Variants in UGGT2 observed in about 807,000 individuals in gnomAD.
The protein encoded by UGGT2 is UDP-glucose:glycoprotein glucosyltransferase 2.
UGGT2 carries 180 observed loss-of-function variants against 192.1 expected under a neutral mutation model. That is an observed-to-expected ratio of 0.94 (90% confidence interval 0.83 to 1.06). The LOEUF (loss-of-function observed/expected upper bound fraction) is 1.06, where lower values mean the gene tolerates loss of function less well. Among genes scored for constraint, UGGT2 ranks in the 50% least tolerant of loss-of-function variants. The pLI, the probability that UGGT2 is intolerant of heterozygous loss-of-function variation, is 0.00. For missense variants in UGGT2, 1,849 were observed against 1,795.7 expected (o/e 1.03, Z -0.54); for synonymous variants, 580 against 591.0 (o/e 0.98, Z 0.27).
chr13:96,051,645 A>G (rs938617534), intron 1 of UGGT2, among the ~76,000 whole-genome samples: 2 of 152,004 alleles, frequency 1.3e-5, no homozygotes, highest in East Asian at 1.9e-4. Context: ...AGCAGGAAAA[A>G]AAAAACAGTC....
chr13:95,959,110 C>T (rs1380659033), intron 12 of UGGT2, among the ~76,000 whole-genome samples: 1 of 152,210 alleles, frequency 6.6e-6, no homozygotes, highest in Non-Finnish European at 1.5e-5. Flanking sequence ...GCCCCCGCAT[C>T]TCCATATCTC....
chr13:95,996,891 A>G (rs1165241872), intron 6 of UGGT2, among the ~76,000 whole-genome samples: 1 of 152,200 alleles, frequency 6.6e-6, no homozygotes, highest in Non-Finnish European at 1.5e-5. Context: ...ATAATATTTT[A>G]TAGTCATTTC....
intron 2 of UGGT2, among the ~76,000 whole-genome samples, chr13:96,028,410 CATTCTT>C (rs2052729684): frequency 1.3e-5 from 2 of 152,170 alleles, no homozygotes; most frequent in South Asian, 4.1e-4. Flanking sequence ...TTGAAAATGA[CATTCTT>C]ATATGCTGAG....
chr13:95,857,061 A>C (rs1889686543), intron 33 of UGGT2, among the ~76,000 whole-genome samples: 1 of 152,056 alleles, frequency 6.6e-6, no homozygotes, highest in South Asian at 2.1e-4. Flanking sequence ...TTACCACTTG[A>C]TTCTTACTTG....
chr13:95,902,810 A>T (rs1186261612), intron 21 of UGGT2, 44 bp downstream of exon 21: 1 of 1,549,410 alleles, frequency 6.5e-7, no homozygotes, highest in Non-Finnish European at 8.8e-7. Flanking sequence ...ACACTTTTAA[A>T]ATATGCAATA....
intron 36 of UGGT2, among the ~76,000 whole-genome samples, chr13:95,848,231 T>A (rs1407846650): frequency 1.3e-5 from 2 of 152,216 alleles, no homozygotes; most frequent in Non-Finnish European, 2.9e-5. Flanking sequence ...CTTTTACAAA[T>A]ATATTTTTGC....
rs369565151 is a variant in UGGT2, at chr13:95,925,889, G to C, written c.2201-115C>G. 25 of 615,852 alleles carry C rather than the reference G, an allele frequency of 4.1e-5. No homozygotes were observed. In the East Asian group the frequency reaches 5.0e-4, roughly 12 times the overall value. The allele number at this position is 615,852 out of a possible 1,614,324, so 38.1% of individuals were successfully genotyped here. A position where few individuals can be genotyped will look rare whatever the true frequency, so the allele number is the denominator to read the frequency against. Reference sequence around the variant, plus strand: ...AAAATTAAAATAATATTTCTGAAAAGCAAAGATTTTTAAAATGTTATGTGT... The same window carrying C: ...AAAATTAAAATAATATTTCTGAAAACCAAAGATTTTTAAAATGTTATGTGT... On this transcript the variant is annotated intron_variant, in intron 19 of 38. Transcript: ENST00000376747.
At chr13:95,997,121 T>C (rs1395376720) in intron 6 of UGGT2, among the ~76,000 whole-genome samples, 1 of 152,208 alleles carries the variant, frequency 6.6e-6, no homozygotes, top group African/African-American at 2.4e-5. Context: ...TACTTTGATC[T>C]AGTCATCCTT....
At chr13:95,980,195 G>A (rs1468835574) in intron 10 of UGGT2, among the ~76,000 whole-genome samples, 1 of 152,184 alleles carries the variant, frequency 6.6e-6, no homozygotes, top group Non-Finnish European at 1.5e-5. Flanking sequence ...GCATATGCAT[G>A]TTTATAGCAG....
At chr13:95,999,082 A>G (rs1036793976) in intron 6 of UGGT2, 129 bp downstream of exon 6, 1 of 546,682 alleles carries the variant, frequency 1.8e-6, no homozygotes, top group Non-Finnish European at 3.2e-6. Context: ...TTAATGAAGA[A>G]TATGTCCACC....
intron 36 of UGGT2, among the ~76,000 whole-genome samples, chr13:95,841,450 A>T: frequency 6.6e-6 from 1 of 152,164 alleles, no homozygotes; most frequent in South Asian, 2.1e-4. Context: ...TTCGGGAGGA[A>T]CACACATGGA....
intron 38 of UGGT2, among the ~76,000 whole-genome samples, chr13:95,823,542 C>T (rs1885708781): frequency 6.6e-6 from 1 of 151,888 alleles, no homozygotes; most frequent in African/African-American, 2.4e-5. Context: ...ACTGCTGATG[C>T]CTTAAAGTCT....
intron 17 of UGGT2, among the ~76,000 whole-genome samples, chr13:95,931,929 C>A (rs897004683): frequency 6.6e-6 from 1 of 152,194 alleles, no homozygotes; most frequent in South Asian, 2.1e-4. Context: ...ATGGCCAGAG[C>A]GGACGCCGAG....
intron 10 of UGGT2, among the ~76,000 whole-genome samples, chr13:95,979,425 G>A (rs1032794807): frequency 1.3e-5 from 2 of 151,286 alleles, no homozygotes; most frequent in South Asian, 2.1e-4. Context: ...CCCTTCACCC[G>A]TTTCATCCCT....
chr13:95,902,011 T>C (rs2048117873), intron 21 of UGGT2, among the ~76,000 whole-genome samples: 1 of 152,182 alleles, frequency 6.6e-6, no homozygotes, highest in South Asian at 2.1e-4. Context: ...TTTAGCTCCC[T>C]TGAATGCTCC....
At chr13:95,918,752 A>T (rs1385903630) in intron 20 of UGGT2, among the ~76,000 whole-genome samples, 1 of 152,210 alleles carries the variant, frequency 6.6e-6, no homozygotes, top group Admixed American at 6.5e-5. Context: ...AACCAAAAAA[A>T]GCCTAGGACC....
At chr13:95,855,334 T>C (rs980533505) in intron 34 of UGGT2, among the ~76,000 whole-genome samples, 1 of 151,860 alleles carries the variant, frequency 6.6e-6, no homozygotes, top group African/African-American at 2.4e-5. Context: ...TTCTAACTTA[T>C]CCATTTACTT....
intron 5 of UGGT2, among the ~76,000 whole-genome samples, chr13:96,008,951 G>T (rs1264574416): frequency 6.6e-6 from 1 of 152,116 alleles, no homozygotes; most frequent in African/African-American, 2.4e-5. Flanking sequence ...AAAGCTGAAG[G>T]CTACAGTAAC....
Position 95,925,754 on chromosome 13 carries a change from C to T in UGGT2, c.2221G>A (p.Val741Ile). ...TQDDESIISA[V>I]TLWIIADFDK... Reference sequence around the variant, plus strand: ...AAATCTGCAATAATCCAGAGAGTGACTGCAGAAATTATACTCTCATCTGAA... The same window carrying T: ...AAATCTGCAATAATCCAGAGAGTGATTGCAGAAATTATACTCTCATCTGAA... Residue 741 changes from valine (V) to isoleucine (I), a missense_variant, in exon 20 of 39, where the codon GTC becomes ATC. Physicochemically the swap from Val to Ile is conservative, Grantham distance 29. Transcript: ENST00000376747. 1 of 1,556,954 alleles carries T rather than the reference C, an allele frequency of 6.4e-7. No individual in the cohort carries two copies. The highest frequency in any genetic ancestry group is 8.7e-7 in the Non-Finnish European group (1 of 1,148,104).
Sources: gnomAD v4.1 joint callset for allele counts (sites outside exome capture counted in the v4.1 genomes callset) on GRCh38, gnomAD v4.1.1 for gene constraint, MANE v1.5 for transcripts, NCBI Gene and HGNC (gene_info 2026-07-23, HGNC 2026-07-21) for gene names.